PRR5L: variants seen among roughly 807,000 people sequenced by gnomAD.
PRR5L encodes the protein proline rich 5 like, also known as proline-rich protein 5-like.
A neutral mutation model predicts 36.4 loss-of-function variants in PRR5L; 21 were observed. The observed-to-expected ratio is 0.58, with a 90% CI of 0.41 to 0.83. The LOEUF is 0.83. Among genes scored for constraint, PRR5L ranks in the 40% least tolerant of loss-of-function variants. PRR5L has a pLI of 0.00. For missense variants in PRR5L, 381 were observed against 473.3 expected, an observed-to-expected ratio of 0.80 and a Z score of 1.81; for synonymous variants, 188 against 197.0, an observed-to-expected ratio of 0.95 and a Z score of 0.38.
chr11:36,399,408 G>A (rs373502024), intron 1 of PRR5L, among the ~76,000 whole-genome samples: 18 of 152,078 alleles, frequency 1.2e-4, no homozygotes, highest in South Asian at 2.1e-4. Flanking sequence ...AACACCTCCC[G>A]TGCCCTCTCG....
At chr11:36,386,866 C>G (rs551783164) in intron 1 of PRR5L, among the ~76,000 whole-genome samples, 18 of 152,258 alleles carry the variant, frequency 1.2e-4, no homozygotes, top group Non-Finnish European at 2.2e-4. Flanking sequence ...TCATGGCCAG[C>G]CTCTGATGAT....
chr11:36,304,261 T>A (rs1856406928), intron 1 of PRR5L, among the ~76,000 whole-genome samples: 1 of 152,256 alleles, frequency 6.6e-6, no homozygotes, highest in African/African-American at 2.4e-5. Flanking sequence ...CTACATATGT[T>A]CCTGCCTTTC....
intron 3 of PRR5L, among the ~76,000 whole-genome samples, chr11:36,407,815 A>T (rs1294857009): frequency 6.6e-6 from 1 of 152,220 alleles, no homozygotes; most frequent in African/African-American, 2.4e-5. Flanking sequence ...TGCAGTCATT[A>T]TTATAAGTGG....
chr11:36,311,441 T>C (rs944368148), intron 1 of PRR5L, among the ~76,000 whole-genome samples: 8 of 152,220 alleles, frequency 5.3e-5, no homozygotes, highest in African/African-American at 1.9e-4. Context: ...GCCTCCCTGC[T>C]TGGCCCCCTC....
At chr11:36,437,526 T>A (rs200164028) in intron 6 of PRR5L, 50 bp downstream of exon 6, 71 of 1,188,170 alleles carry the variant, frequency 6.0e-5, no homozygotes, top group Non-Finnish European at 8.1e-5. Context: ...ATCTGTCTTC[T>A]CTCCTGGCCC....
intron 1 of PRR5L, among the ~76,000 whole-genome samples, chr11:36,365,385 C>A (rs368363616): frequency 6.6e-6 from 1 of 152,116 alleles, no homozygotes; most frequent in Non-Finnish European, 1.5e-5. Flanking sequence ...CGGGTCCTTT[C>A]GAAGCAAGTT....
At chr11:36,358,049 A>G (rs1471015644) in intron 1 of PRR5L, among the ~76,000 whole-genome samples, 1 of 152,214 alleles carries the variant, frequency 6.6e-6, no homozygotes, top group Non-Finnish European at 1.5e-5. Context: ...AGGTGTTTAG[A>G]AGAAGTTGAT....
chr11:36,401,211 C>G lies in PRR5L; in HGVS notation c.90C>G (p.Pro30=), dbSNP rs140007778. Residue 30 remains proline, a synonymous_variant, in exon 2 of 9, where the codon CCC becomes CCG. Transcript: ENST00000530639. Reference sequence around the variant, plus strand: ...CTAGACCGCGCTTCATGAGCTCCCCCGTGCTCAGCGACCTTCCCCGATTCC... The same window carrying G: ...CTAGACCGCGCTTCATGAGCTCCCCGGTGCTCAGCGACCTTCCCCGATTCC... ...RRPRPRFMSS[P]VLSDLPRFQA... 5 of 1,614,008 alleles carry G rather than the reference C, an allele frequency of 3.1e-6. No homozygotes were observed. Among genetic ancestry groups the G allele is most frequent in the South Asian group, 1.1e-5 (1 of 91,082 alleles).
chr11:36,387,275 TGG>T (rs1857475628), intron 1 of PRR5L, among the ~76,000 whole-genome samples: 1 of 151,866 alleles, frequency 6.6e-6, no homozygotes, highest in Admixed American at 6.6e-5. Flanking sequence ...TCGTGGAGTG[TGG>T]GGAGGAGGAA....
In PRR5L at chr11:36,393,952, G is replaced by A. The variant is rs1000274700; in HGVS notation, c.-125-7045G>A. On this transcript the variant is annotated intron_variant, in intron 1 of 8. Coordinates refer to ENST00000530639, the MANE Select transcript of PRR5L (RefSeq NM_001160167.2). ...CAGCCATCTGTAAACCAAGGAGAGA[G>A]ACCCCAAAGGAAATCAACCCTGCTG... 3 of 152,194 alleles carry A rather than the reference G, an allele frequency of 2.0e-5. No homozygotes were observed. The East Asian group carries it at 5.8e-4, about 29-fold the overall frequency. 9.4% of individuals were successfully genotyped at this position (152,194 alleles called of 1,614,324 possible).
Position 36,366,767 on chromosome 11 carries a change from T to C in PRR5L, c.-125-34230T>C, listed in dbSNP as rs1857148460. Among the ~76,000 whole-genome samples the C allele has an allele frequency of 2.0e-5, 3 of 152,192 alleles. 1 individual carries two copies. The highest frequency in any genetic ancestry group is 2.0e-4 in the Admixed American group (3 of 15,280). ...AGAGGGTTGTACAGTAGGCTTTGAC[T>C]CTGAGGAAAGGGGCTGAGATTGCCT... On this transcript the variant is annotated intron_variant, in intron 1 of 8. Transcript: ENST00000530639.
rs527549079 is a variant in PRR5L at position 36,346,955 on chromosome 11, G to A, written c.-126+50517G>A. On this transcript the variant is annotated intron_variant, in intron 1 of 8. Coordinates refer to ENST00000530639, the MANE Select transcript of PRR5L (RefSeq NM_001160167.2). Reference sequence around the variant, plus strand: ...ATAGACAATACACAAAAGAATAGGCGTGGCTGTGTTCCAATAAAACTTTAT... The same window carrying A: ...ATAGACAATACACAAAAGAATAGGCATGGCTGTGTTCCAATAAAACTTTAT... 1.3e-3 allele frequency among the ~76,000 whole-genome samples: 200 copies of A among 152,356 alleles called. 1 individual carries two copies. The highest frequency in any genetic ancestry group is 6.0e-3 in the South Asian group (29 of 4,830).
chr11:36,452,839 T>G (rs1178140762), intron 8 of PRR5L, among the ~76,000 whole-genome samples: 1 of 152,244 alleles, frequency 6.6e-6, no homozygotes, highest in African/African-American at 2.4e-5. Flanking sequence ...AACAGAACCC[T>G]GTAACACATT....
intron 1 of PRR5L, among the ~76,000 whole-genome samples, chr11:36,363,204 T>A (rs1247491690): frequency 1.3e-5 from 2 of 151,518 alleles, no homozygotes; most frequent in South Asian, 2.1e-4. Flanking sequence ...CACACCATTC[T>A]TTGCATCATA....
intron 1 of PRR5L, among the ~76,000 whole-genome samples, chr11:36,389,313 C>T (rs1439125829): frequency 1.3e-5 from 2 of 152,180 alleles, no homozygotes; most frequent in Non-Finnish European, 2.9e-5. Context: ...ACCCCACCAC[C>T]CATCACCTTG....
chr11:36,451,097 A>C lies in PRR5L; in HGVS notation c.586-112A>C, dbSNP rs568163354. The C allele has an allele frequency of 1.4e-5, 19 of 1,337,104 alleles. No individual in the cohort carries two copies. The East Asian group carries it at 4.2e-4, about 29-fold the overall frequency. The allele number at this position is 1,337,104 out of a possible 1,614,324, so 82.8% of individuals were successfully genotyped here. A position where few individuals can be genotyped will look rare whatever the true frequency, so the allele number is the denominator to read the frequency against. On this transcript the variant is annotated intron_variant, in intron 7 of 8. Transcript: ENST00000530639. Reference sequence around the variant, plus strand: ...CCTAACTGCAAGGATGCTGCCTGCCAGCAACACAGCCTTGTACATTGGAGG... The same window carrying C: ...CCTAACTGCAAGGATGCTGCCTGCCCGCAACACAGCCTTGTACATTGGAGG...
At chr11:36,427,318 C>T (rs1858402910) in intron 4 of PRR5L, among the ~76,000 whole-genome samples, 1 of 152,010 alleles carries the variant, frequency 6.6e-6, no homozygotes, top group Admixed American at 6.6e-5. Context: ...AACAATGGGC[C>T]CAGTTCCAAG....
chr11:36,408,167 A>G (rs1312816023), intron 3 of PRR5L, among the ~76,000 whole-genome samples: 2 of 151,868 alleles, frequency 1.3e-5, no homozygotes. Flanking sequence ...CCAGCCAGCT[A>G]TTTTTGGGAG....
At chr11:36,448,376 C>T (rs1261648539) in intron 7 of PRR5L, among the ~76,000 whole-genome samples, 1 of 152,144 alleles carries the variant, frequency 6.6e-6, no homozygotes, top group Non-Finnish European at 1.5e-5. Flanking sequence ...TCAGCATCTC[C>T]CACCCTTCCA....
Sources: gnomAD v4.1 joint callset for allele counts (sites outside exome capture counted in the v4.1 genomes callset) on GRCh38, gnomAD v4.1.1 for gene constraint, MANE v1.5 for transcripts, NCBI Gene and HGNC (gene_info 2026-07-23, HGNC 2026-07-21) for gene names.